Variants in RIMS2 observed in about 807,000 individuals in gnomAD.
RIMS2 encodes regulating synaptic membrane exocytosis protein 2.
Under a neutral mutation model 174.4 loss-of-function variants are expected in RIMS2, and 59 were observed. The ratio of observed to expected loss-of-function variants is 0.34; its 90% CI spans 0.27 to 0.42. The LOEUF (loss-of-function observed/expected upper bound fraction) is 0.42. RIMS2 is among the 10% of genes least tolerant of loss of function. RIMS2 has a pLI of 1.00. For synonymous variants in RIMS2, 606 were observed against 572.5 expected, an observed-to-expected ratio of 1.06 and a Z score of -0.84; for missense variants, 1,620 against 1,666.3, an observed-to-expected ratio of 0.97 and a Z score of 0.48.
At chr8:103,675,486 T>C (rs2096797110) in intron 1 of RIMS2, among the ~76,000 whole-genome samples, 2 of 152,142 alleles carry the variant, frequency 1.3e-5, no homozygotes, top group Non-Finnish European at 2.9e-5. Context: ...TGAGGACATA[T>C]CTTCAGGTCT....
intron 2 of RIMS2, among the ~76,000 whole-genome samples, chr8:103,745,110 A>T (rs1243243908): frequency 1.3e-5 from 2 of 152,220 alleles, no homozygotes; most frequent in Non-Finnish European, 2.9e-5. Context: ...TGCAACCATC[A>T]CAATTTGTCC....
chr8:103,646,087 C>T lies in RIMS2; in HGVS notation c.177-50999C>T, dbSNP rs147591966. On this transcript the variant is annotated intron_variant, in intron 1 of 23. Coordinates refer to ENST00000504942, the Ensembl canonical transcript of RIMS2. ...AGTGCTCAGCAGGGGAGCTTTTGAG[C>T]CAGGATGAGCCAGGAGAAGGAATTT... Among the ~76,000 whole-genome samples the T allele has an allele frequency of 9.1e-3, 1,376 of 151,970 alleles. 10 individuals are homozygous for T. Among genetic ancestry groups the T allele is most frequent in the Non-Finnish European group, 0.015 (988 of 67,972 alleles).
intron 16 of RIMS2, among the ~76,000 whole-genome samples, chr8:103,978,549 T>G (rs1475298008): frequency 6.6e-6 from 1 of 152,244 alleles, no homozygotes; most frequent in African/African-American, 2.4e-5. Flanking sequence ...AGAATTTTGC[T>G]CAATTGTATG....
At chr8:104,244,884 AG>A in intron 19 of RIMS2, 31 bp from the exon 26 acceptor site, 1 of 1,591,748 alleles carries the variant, frequency 6.3e-7, no homozygotes, top group Non-Finnish European at 8.6e-7. Context: ...GTGATTACAA[AG>A]CTGTTACACT....
chr8:104,096,563 G>T (rs775841598), intron 19 of RIMS2, among the ~76,000 whole-genome samples: 1 of 152,034 alleles, frequency 6.6e-6, no homozygotes, highest in Non-Finnish European at 1.5e-5. Flanking sequence ...AGTATCAACG[G>T]CAATTGCTTA....
intron 3 of RIMS2, among the ~76,000 whole-genome samples, chr8:103,848,261 G>A (rs895697264): frequency 2.6e-5 from 4 of 152,070 alleles, no homozygotes; most frequent in Non-Finnish European, 4.4e-5. Flanking sequence ...TGAGGCTGCA[G>A]TGAAGAAGCA....
chr8:103,591,555 C>T (rs150291040), intron 1 of RIMS2, among the ~76,000 whole-genome samples: 1 of 151,004 alleles, frequency 6.6e-6, no homozygotes, highest in Non-Finnish European at 1.5e-5. Flanking sequence ...ATGTTTAGGT[C>T]TATAATCCGT....
chr8:103,844,669 C>T (rs541196823), intron 3 of RIMS2, among the ~76,000 whole-genome samples: 1 of 152,156 alleles, frequency 6.6e-6, no homozygotes, highest in African/African-American at 2.4e-5. Flanking sequence ...TTATTTTTTC[C>T]TAAAAACGGT....
intron 12 of RIMS2, among the ~76,000 whole-genome samples, chr8:103,932,767 G>A (rs1424481361): frequency 6.6e-6 from 1 of 152,170 alleles, no homozygotes. Context: ...GAGCTAAAAT[G>A]GAAGCTCTTC....
intron 1 of RIMS2, among the ~76,000 whole-genome samples, chr8:103,662,688 AT>A (rs2096617685): frequency 6.6e-6 from 1 of 150,518 alleles, no homozygotes; most frequent in Non-Finnish European, 1.5e-5. Flanking sequence ...CTATCTATCT[AT>A]CTATCTATCT....
intron 14 of RIMS2, among the ~76,000 whole-genome samples, chr8:103,952,436 C>G (rs1294535903): frequency 6.6e-6 from 1 of 152,200 alleles, no homozygotes; most frequent in Non-Finnish European, 1.5e-5. Flanking sequence ...CTTCGCTGAT[C>G]TGCAGCCTCT....
chr8:104,171,990 TG>T (rs2135471057), intron 19 of RIMS2, among the ~76,000 whole-genome samples: 1 of 152,320 alleles, frequency 6.6e-6, no homozygotes, highest in Non-Finnish European at 1.5e-5. Flanking sequence ...ACTTGTTGTG[TG>T]GGCAAGTTCA....
At chr8:103,743,714 G>T (rs758147015) in intron 2 of RIMS2, among the ~76,000 whole-genome samples, 14 of 152,068 alleles carry the variant, frequency 9.2e-5, no homozygotes, top group Non-Finnish European at 1.8e-4. Context: ...TGAATCTAAA[G>T]CTTCCCCATT....
At chr8:103,917,192 T>C (rs547414912) in intron 8 of RIMS2, among the ~76,000 whole-genome samples, 3 of 152,230 alleles carry the variant, frequency 2.0e-5, no homozygotes, top group Admixed American at 6.5e-5. Context: ...AATACTACTG[T>C]TAGTGAATTA....
intron 19 of RIMS2, chr8:104,223,484 C>T: frequency 4.3e-6 from 6 of 1,379,330 alleles, no homozygotes; most frequent in Non-Finnish European, 5.6e-6. Flanking sequence ...GCCAGGAAAG[C>T]CACGTCTCCT....
chr8:103,849,606 C>G (rs926109158), intron 3 of RIMS2, among the ~76,000 whole-genome samples: 8 of 151,966 alleles, frequency 5.3e-5, no homozygotes, highest in Admixed American at 5.3e-4. Context: ...AGGTCATTAG[C>G]TCTGAACCAT....
At chr8:104,052,658 T>G (rs116526565) in intron 19 of RIMS2, among the ~76,000 whole-genome samples, 2,614 of 152,110 alleles carry the variant, frequency 0.017, 68 homozygotes, top group African/African-American at 0.057. Flanking sequence ...AGGAGAAGAA[T>G]AGATAGGAGA....
At chr8:103,981,654 T>C (rs1319646769) in intron 16 of RIMS2, among the ~76,000 whole-genome samples, 1 of 152,076 alleles carries the variant, frequency 6.6e-6, no homozygotes, top group Non-Finnish European at 1.5e-5. Flanking sequence ...AGAGAAGGAA[T>C]TCCAAATTTT....
chr8:104,156,804 C>T (rs1303453988), intron 19 of RIMS2, among the ~76,000 whole-genome samples: 1 of 152,098 alleles, frequency 6.6e-6, no homozygotes, highest in Admixed American at 6.6e-5. Flanking sequence ...AATCCTGGAT[C>T]CATCCTTCCT....
Sources: gnomAD v4.1 joint callset for allele counts (sites outside exome capture counted in the v4.1 genomes callset) on GRCh38, gnomAD v4.1.1 for gene constraint, MANE v1.5 for transcripts, NCBI Gene and HGNC (gene_info 2026-07-23, HGNC 2026-07-21) for gene names.